The following WDR27 variants were observed in gnomAD, a reference collection of about 807,000 sequenced individuals.
WDR27 encodes the protein WD repeat-containing protein 27.
A neutral mutation model predicts 114.4 loss-of-function variants in WDR27; 100 were observed. The observed-to-expected ratio is 0.87, with a 90% CI of 0.74 to 1.03. WDR27 has a LOEUF of 1.03. Ranked by LOEUF, WDR27 falls within the 50% of genes least tolerant of loss-of-function variation. The pLI, the probability that WDR27 is intolerant of heterozygous loss-of-function variation, is 0.00. For synonymous variants in WDR27, 449 were observed against 423.1 expected (o/e 1.06, Z -0.75); for missense variants, 1,129 against 1,092.9 (o/e 1.03, Z -0.47).
At chr6:169,573,822 T>G (rs1355050024) in intron 24 of WDR27, among the ~76,000 whole-genome samples, 1 of 152,224 alleles carries the variant, frequency 6.6e-6, no homozygotes, top group East Asian at 1.9e-4. Context: ...CAGCCCACAC[T>G]TTCACACTCA....
chr6:169,636,321 A>G (rs1176759039), intron 19 of WDR27, 50 bp downstream of exon 19: 1 of 1,593,382 alleles, frequency 6.3e-7, no homozygotes, highest in South Asian at 1.2e-5. Flanking sequence ...CACATTATTG[A>G]AACAGCTTCC....
At chr6:169,487,087 T>C (rs1269111546) in intron 25 of WDR27, among the ~76,000 whole-genome samples, 2 of 152,248 alleles carry the variant, frequency 1.3e-5, no homozygotes, top group Non-Finnish European at 2.9e-5. Context: ...TCACCAGCCA[T>C]GTCATCTAAG....
chr6:169,658,776 C>T (rs146137774), intron 12 of WDR27, among the ~76,000 whole-genome samples: 4,521 of 151,938 alleles, frequency 0.03, 89 homozygotes, highest in Admixed American at 0.043. Context: ...CTCCGCCTCC[C>T]GGGTTCCCAC....
intron 22 of WDR27, among the ~76,000 whole-genome samples, chr6:169,609,926 C>T (rs1810116910): frequency 6.6e-6 from 1 of 152,186 alleles, no homozygotes; most frequent in Admixed American, 6.5e-5. Flanking sequence ...CCACCAGATA[C>T]CCTAAAACAT....
chr6:169,656,681 G>A (rs984677812), intron 13 of WDR27, among the ~76,000 whole-genome samples: 3 of 152,160 alleles, frequency 2.0e-5, no homozygotes, highest in Admixed American at 6.5e-5. Flanking sequence ...GATGGCCCAG[G>A]AGGAGGCGAC....
intron 23 of WDR27, among the ~76,000 whole-genome samples, chr6:169,597,301 A>G (rs1385572047): frequency 6.6e-6 from 1 of 152,146 alleles, no homozygotes; most frequent in Admixed American, 6.5e-5. Context: ...GCTAAGTCCA[A>G]TACCTGGGTC....
At chr6:169,586,674 C>T (rs970713958) in intron 23 of WDR27, among the ~76,000 whole-genome samples, 5 of 151,842 alleles carry the variant, frequency 3.3e-5, no homozygotes, top group African/African-American at 1.2e-4. Context: ...CATGGTGAAA[C>T]CCCGTCTCTA....
intron 25 of WDR27, among the ~76,000 whole-genome samples, chr6:169,509,339 A>G (rs1303331750): frequency 2.0e-5 from 3 of 152,224 alleles, no homozygotes; most frequent in African/African-American, 7.2e-5. Context: ...CTAAGCCAAA[A>G]GAACAAAGCT....
rs545547647 is a variant in WDR27, at chr6:169,510,037, T to TC, written c.2646-52404dup. 2.4e-3 allele frequency among the ~76,000 whole-genome samples: 363 copies of TC among 152,276 alleles called. 3 individuals are homozygous for TC. Among genetic ancestry groups the TC allele is most frequent in the African/African-American group, 8.3e-3 (345 of 41,562 alleles). On this transcript the variant is annotated intron_variant, in intron 25 of 25. Transcript: ENST00000448612. Reference sequence around the variant, plus strand: ...CAAAAAACACATGAAAAAATGCTCATCATCACTGGCCATCAGAGAAATGCA... The same window carrying TC: ...CAAAAAACACATGAAAAAATGCTCATCCATCACTGGCCATCAGAGAAATGCA...
At position 169,621,296 on chromosome 6, in the gene WDR27, G is replaced by A. The variant is rs201518144; in HGVS notation, c.2224-7640C>T. On this transcript the variant is annotated intron_variant, in intron 21 of 25. Transcript: ENST00000448612. ...CACACACACACACACATGCACGCAC[G>A]CATATACATACCCACACACGCATTC... Among the ~76,000 whole-genome samples, 192 of 138,278 alleles carry A rather than the reference G, an allele frequency of 1.4e-3. 1 individual carries two copies. Among genetic ancestry groups the A allele is most frequent in the East Asian group, 9.2e-3 (42 of 4,552 alleles). The allele number at this position is 138,278 out of a possible 152,430, so 90.7% of individuals were successfully genotyped here.
At chr6:169,698,891 G>A (rs1447103367) in intron 1 of WDR27, among the ~76,000 whole-genome samples, 1 of 152,262 alleles carries the variant, frequency 6.6e-6, no homozygotes, top group African/African-American at 2.4e-5. Context: ...TTTAGTGCAT[G>A]AAGCTGAGGT....
chr6:169,645,348 T>G (rs1820399494), intron 16 of WDR27, among the ~76,000 whole-genome samples: 1 of 151,754 alleles, frequency 6.6e-6, no homozygotes, highest in African/African-American at 2.4e-5. Flanking sequence ...AAATTCCTAG[T>G]TCACACGAGT....
At chr6:169,584,206 A>G (rs987669542) in intron 23 of WDR27, among the ~76,000 whole-genome samples, 1 of 152,254 alleles carries the variant, frequency 6.6e-6, no homozygotes, top group Non-Finnish European at 1.5e-5. Context: ...TTCACTTAAC[A>G]TAATGTCCTC....
At chr6:169,593,041 T>C (rs542365816) in intron 23 of WDR27, among the ~76,000 whole-genome samples, 4 of 152,358 alleles carry the variant, frequency 2.6e-5, no homozygotes, top group African/African-American at 7.2e-5. Context: ...GTTAATGCAC[T>C]AATTCTATGT....
At chr6:169,447,107 T>C in the WDR27 span, among the ~76,000 whole-genome samples, 1 of 152,228 alleles carries the variant, frequency 6.6e-6, no homozygotes, top group Non-Finnish European at 1.5e-5. Flanking sequence ...ACAATAAAAT[T>C]TTTCCATAAG....
the WDR27 span, among the ~76,000 whole-genome samples, chr6:169,430,238 G>A: frequency 5.3e-5 from 8 of 152,346 alleles, no homozygotes; most frequent in African/African-American, 1.9e-4. Flanking sequence ...AGAAAGAAGG[G>A]AGAGCTTGGT....
At chr6:169,480,706 G>C (rs1476905419) in intron 25 of WDR27, among the ~76,000 whole-genome samples, 2 of 150,968 alleles carry the variant, frequency 1.3e-5, no homozygotes, top group Admixed American at 6.6e-5. Flanking sequence ...TCTAACTCAA[G>C]GTTTGTAAAC....
intron 22 of WDR27, among the ~76,000 whole-genome samples, chr6:169,609,145 G>A (rs1004524316): frequency 2.0e-5 from 3 of 151,854 alleles, no homozygotes; most frequent in Non-Finnish European, 4.4e-5. Context: ...CCTCCCAGCT[G>A]CTTTCACAGC....
At chr6:169,634,359 G>T in intron 20 of WDR27, 69 bp downstream of exon 20, 1 of 1,186,078 alleles carries the variant, frequency 8.4e-7, no homozygotes, top group Non-Finnish European at 1.2e-6. Flanking sequence ...GAGATGCTCA[G>T]CACATGCCTC....
Sources: allele counts gnomAD v4.1 joint callset (sites outside exome capture counted in the v4.1 genomes callset), GRCh38; gene constraint gnomAD v4.1.1; transcripts MANE v1.5; gene names NCBI Gene and HGNC (gene_info 2026-07-23, HGNC 2026-07-21).